CTNND2: variants seen among roughly 807,000 people sequenced by gnomAD.
The protein encoded by CTNND2 is catenin delta 2.
In CTNND2, 22 loss-of-function variants were observed where a neutral mutation model predicts 144.4. The ratio of observed to expected loss-of-function variants is 0.15; its 90% CI spans 0.11 to 0.22. CTNND2 has a LOEUF of 0.22. Among genes scored for constraint, CTNND2 ranks in the 10% least tolerant of loss-of-function variants. The probability of loss-of-function intolerance (pLI) is 1.00; values close to 1 mark genes in which losing one functional copy is unlikely to be tolerated. For missense variants in CTNND2, 1,353 were observed against 1,618.8 expected (o/e 0.84, Z 2.82); for synonymous variants, 751 against 695.6 (o/e 1.08, Z -1.25).
rs181881035 is a variant in CTNND2 at position 11,280,484 on chromosome 5, G to A, written c.1629-43661C>T. Reference sequence around the variant, plus strand: ...GGTTGCAGGTGGCAACCTTCCTGCTGTGCCCTCACATGATGGAGAGAGATC... The same window carrying A: ...GGTTGCAGGTGGCAACCTTCCTGCTATGCCCTCACATGATGGAGAGAGATC... On this transcript the variant is annotated intron_variant, in intron 9 of 21. Transcript: ENST00000304623. Among the ~76,000 whole-genome samples the A allele has an allele frequency of 2.9e-3, 447 of 152,260 alleles. 2 individuals carry two copies. The highest frequency in any genetic ancestry group is 4.6e-3 in the Non-Finnish European group (313 of 68,024).
intron 2 of CTNND2, among the ~76,000 whole-genome samples, chr5:11,640,340 G>C (rs1409915663): frequency 6.6e-6 from 1 of 152,164 alleles, no homozygotes; most frequent in Non-Finnish European, 1.5e-5. Flanking sequence ...GCTTATGCAA[G>C]GTTCACTGAA....
chr5:11,200,819 T>C lies in CTNND2; in HGVS notation c.1762-1158A>G, dbSNP rs1459014100. 3.9e-5 allele frequency among the ~76,000 whole-genome samples: 6 copies of C among 152,264 alleles called. No homozygotes were observed. The East Asian group carries it at 7.7e-4, about 20-fold the overall frequency. On this transcript the variant is annotated intron_variant, in intron 10 of 21. Transcript: ENST00000304623. ...TCAGCCTCCCGAGTAACTGGGACTA[T>C]AGGCGTCCGCCACCACGCCCGGCTA...
At chr5:11,675,268 A>T (rs1487061612) in intron 2 of CTNND2, among the ~76,000 whole-genome samples, 4 of 152,228 alleles carry the variant, frequency 2.6e-5, no homozygotes, top group African/African-American at 9.6e-5. Context: ...CTCACTTTCC[A>T]TAGCACCAGC....
At chr5:11,630,425 T>G (rs757001539) in intron 2 of CTNND2, among the ~76,000 whole-genome samples, 5 of 152,144 alleles carry the variant, frequency 3.3e-5, no homozygotes, top group Admixed American at 1.3e-4. Context: ...GCAGGTGTGT[T>G]TCTATTTCCC....
chr5:11,578,813 T>G (rs1222506052), intron 2 of CTNND2, among the ~76,000 whole-genome samples: 1 of 152,196 alleles, frequency 6.6e-6, no homozygotes, highest in Non-Finnish European at 1.5e-5. Flanking sequence ...AATACAGAGA[T>G]AGCTGGCCCA....
At chr5:11,466,054 G>A (rs1766647582) in intron 3 of CTNND2, among the ~76,000 whole-genome samples, 1 of 152,178 alleles carries the variant, frequency 6.6e-6, no homozygotes, top group South Asian at 2.1e-4. Flanking sequence ...CTGTCACCCA[G>A]ACTGGAGTAC....
intron 9 of CTNND2, among the ~76,000 whole-genome samples, chr5:11,243,072 T>C (rs568946399): frequency 3.9e-5 from 6 of 152,242 alleles, no homozygotes; most frequent in Non-Finnish European, 8.8e-5. Flanking sequence ...ATAAACCTTA[T>C]AACCTTTCAC....
At chr5:11,572,492 A>T (rs1008130272) in intron 2 of CTNND2, among the ~76,000 whole-genome samples, 5 of 151,982 alleles carry the variant, frequency 3.3e-5, no homozygotes, top group African/African-American at 1.2e-4. Context: ...CTTCTTGGGG[A>T]GGATGTTCTG....
intron 3 of CTNND2, among the ~76,000 whole-genome samples, chr5:11,552,403 A>G (rs1318122109): frequency 6.6e-6 from 1 of 152,204 alleles, no homozygotes; most frequent in African/African-American, 2.4e-5. Context: ...GGAGATTTCT[A>G]TATTTAAAAA....
chr5:11,518,615 C>A (rs1309420263), intron 3 of CTNND2, among the ~76,000 whole-genome samples: 1 of 152,184 alleles, frequency 6.6e-6, no homozygotes, highest in African/African-American at 2.4e-5. Flanking sequence ...GTGTCTTATA[C>A]AGGTGTATCT....
At chr5:11,140,540 T>C (rs1756621575) in intron 12 of CTNND2, among the ~76,000 whole-genome samples, 1 of 152,240 alleles carries the variant, frequency 6.6e-6, no homozygotes, top group Non-Finnish European at 1.5e-5. Flanking sequence ...TAATAATGAT[T>C]CTCTATAACT....
At chr5:11,312,481 G>A (rs1751082075) in intron 9 of CTNND2, among the ~76,000 whole-genome samples, 1 of 152,064 alleles carries the variant, frequency 6.6e-6, no homozygotes, top group African/African-American at 2.4e-5. Context: ...CCCCTGATAA[G>A]CCCATTAGAT....
intron 3 of CTNND2, among the ~76,000 whole-genome samples, chr5:11,420,286 G>A (rs1355784143): frequency 1.3e-5 from 2 of 152,130 alleles, no homozygotes; most frequent in African/African-American, 2.4e-5. Context: ...TGGCACCACT[G>A]CATTCCAGCC....
chr5:11,286,610 C>T (rs897828798), intron 9 of CTNND2, among the ~76,000 whole-genome samples: 8 of 152,132 alleles, frequency 5.3e-5, no homozygotes, highest in African/African-American at 1.4e-4. Context: ...TGAACACGTG[C>T]TAAACTTCAG....
At chr5:11,152,928 T>A (rs1757874831) in intron 12 of CTNND2, among the ~76,000 whole-genome samples, 1 of 152,110 alleles carries the variant, frequency 6.6e-6, no homozygotes, top group South Asian at 2.1e-4. Flanking sequence ...TGTTCCCATG[T>A]CCACACAGAG....
intron 1 of CTNND2, among the ~76,000 whole-genome samples, chr5:11,756,482 A>C (rs1473834173): frequency 6.6e-6 from 1 of 151,758 alleles, no homozygotes; most frequent in Admixed American, 6.6e-5. Context: ...TCAAATATTC[A>C]AACAACTTAA....
At chr5:11,502,496 TTATA>T (rs1287035397) in intron 3 of CTNND2, among the ~76,000 whole-genome samples, 5 of 152,200 alleles carry the variant, frequency 3.3e-5, no homozygotes, top group African/African-American at 4.8e-5. Flanking sequence ...TGTGAATTAC[TTATA>T]AATAAAAAAT....
In CTNND2 at chr5:11,654,960, A is replaced by C. The variant is rs1360278316; in HGVS notation, c.174+77176T>G. 2.0e-5 allele frequency among the ~76,000 whole-genome samples: 3 copies of C among 152,064 alleles called. No individual in the cohort carries two copies. In the East Asian group the frequency reaches 5.8e-4, roughly 29 times the overall value. On this transcript the variant is annotated intron_variant, in intron 2 of 21. Coordinates refer to ENST00000304623, the MANE Select transcript of CTNND2 (RefSeq NM_001332.4). ...TGGTTGGGAGTTTTTAATCATGAAAAGATGTTTCATGGTGAGACAGATAAA... is the reference window on the plus strand; with the variant it reads ...TGGTTGGGAGTTTTTAATCATGAAACGATGTTTCATGGTGAGACAGATAAA...
At chr5:11,099,893 A>G (rs113064566) in intron 14 of CTNND2, among the ~76,000 whole-genome samples, 8 of 152,306 alleles carry the variant, frequency 5.3e-5, no homozygotes, top group African/African-American at 1.9e-4. Flanking sequence ...TATTTAGCTT[A>G]TTAGTGTTTA....
Sources: gnomAD v4.1 joint callset for allele counts (sites outside exome capture counted in the v4.1 genomes callset) on GRCh38, gnomAD v4.1.1 for gene constraint, MANE v1.5 for transcripts, NCBI Gene and HGNC (gene_info 2026-07-23, HGNC 2026-07-21) for gene names.